Variants in DOCK9 observed in about 807,000 individuals in gnomAD.
DOCK9 encodes the protein dedicator of cytokinesis 9, also known as dedicator of cytokinesis protein 9.
Under a neutral mutation model 263.3 loss-of-function variants are expected in DOCK9, and 89 were observed. That is an observed-to-expected ratio of 0.34 (90% CI 0.28 to 0.40). The LOEUF (loss-of-function observed/expected upper bound fraction) is 0.40. Ranked by LOEUF, DOCK9 falls within the 10% of genes least tolerant of loss-of-function variation. DOCK9 has a pLI of 1.00. For synonymous variants in DOCK9, 976 were observed against 973.1 expected, an observed-to-expected ratio of 1.00 and a Z score of -0.06; for missense variants, 2,140 against 2,603.4, an observed-to-expected ratio of 0.82 and a Z score of 3.87.
At chr13:98,954,995 T>A (rs573049569) in intron 2 of DOCK9, among the ~76,000 whole-genome samples, 115 of 152,320 alleles carry the variant, frequency 7.5e-4, no homozygotes, top group African/African-American at 2.6e-3. Flanking sequence ...CTTTTCTTTC[T>A]TAAATAACAT....
chr13:99,015,885 G>A, intron 1 of DOCK9: 1 of 713,108 alleles, frequency 1.4e-6, no homozygotes, highest in Non-Finnish European at 1.8e-6. Flanking sequence ...CGTTTTTCTA[G>A]CTGATTGCTT....
At chr13:99,030,916 A>G (rs1301002895) in intron 1 of DOCK9, among the ~76,000 whole-genome samples, 1 of 152,222 alleles carries the variant, frequency 6.6e-6, no homozygotes, top group Admixed American at 6.5e-5. Flanking sequence ...CAGATTTTGA[A>G]TTCATTTGTT....
chr13:98,829,249 G>T lies in DOCK9; in HGVS notation c.4965+58C>A. On this transcript the variant is annotated intron_variant, in intron 43 of 52. Transcript: ENST00000682017. This position sits in a 1 kb window ranked among gnomAD's most constrained non-coding sequence, Gnocchi z 4.1. ...TTTTCTCAAAACTGGCTTTTTAAGTGAATGGGGCCTCACTGGTTTTTTCAA... is the reference window on the plus strand; with the variant it reads ...TTTTCTCAAAACTGGCTTTTTAAGTTAATGGGGCCTCACTGGTTTTTTCAA... 1 of 1,490,312 alleles carries T rather than the reference G, an allele frequency of 6.7e-7. No individual in the cohort carries two copies. The allele number at this position is 1,490,312 out of a possible 1,614,324, so 92.3% of individuals were successfully genotyped here. A position where few individuals can be genotyped will look rare whatever the true frequency, so the allele number is the denominator to read the frequency against.
At chr13:98,939,612 A>C (rs2055481845) in intron 2 of DOCK9, among the ~76,000 whole-genome samples, 1 of 152,232 alleles carries the variant, frequency 6.6e-6, no homozygotes, top group South Asian at 2.1e-4. Flanking sequence ...CAATATGCAG[A>C]GCTCAGGAGA....
intron 45 of DOCK9, among the ~76,000 whole-genome samples, chr13:98,822,053 C>T (rs1324771338): frequency 1.3e-5 from 2 of 152,180 alleles, no homozygotes; most frequent in African/African-American, 4.8e-5. Context: ...GTTAGTCTTT[C>T]TGCTTCCCGT....
intron 1 of DOCK9, among the ~76,000 whole-genome samples, chr13:98,994,739 G>A (rs780308123): frequency 6.6e-6 from 1 of 151,926 alleles, no homozygotes; most frequent in Non-Finnish European, 1.5e-5. Context: ...CTAGTAAAAT[G>A]TCTTTTTTGT....
chr13:98,948,853 C>T (rs1458655265), intron 2 of DOCK9, among the ~76,000 whole-genome samples: 1 of 152,176 alleles, frequency 6.6e-6, no homozygotes, highest in Non-Finnish European at 1.5e-5. Context: ...TCCTCAGGGT[C>T]CATCCATATT....
intron 1 of DOCK9, among the ~76,000 whole-genome samples, chr13:99,048,162 A>G (rs1471438226): frequency 6.6e-6 from 1 of 152,234 alleles, no homozygotes; most frequent in Non-Finnish European, 1.5e-5. Flanking sequence ...AAAAGTGTTC[A>G]TGTGCTGCTT....
chr13:98,855,091 C>T (rs2093672580), intron 34 of DOCK9, among the ~76,000 whole-genome samples: 1 of 152,180 alleles, frequency 6.6e-6, no homozygotes, highest in Non-Finnish European at 1.5e-5. Context: ...GGTCTGAGCA[C>T]TTAGTAGTTT....
chr13:99,028,310 C>T (rs1190023133), intron 1 of DOCK9, among the ~76,000 whole-genome samples: 2 of 152,066 alleles, frequency 1.3e-5, no homozygotes, highest in Non-Finnish European at 2.9e-5. Context: ...TCAGGAAGGA[C>T]CACGGCTTCC....
At chr13:99,010,507 T>C (rs181267896) in intron 1 of DOCK9, among the ~76,000 whole-genome samples, 1 of 152,174 alleles carries the variant, frequency 6.6e-6, no homozygotes, top group African/African-American at 2.4e-5. Context: ...TTTTGTACAC[T>C]CAGCACACAT....
chr13:99,061,899 TCTCA>T (rs780221692), intron 1 of DOCK9, among the ~76,000 whole-genome samples: 5 of 151,778 alleles, frequency 3.3e-5, no homozygotes, highest in Admixed American at 6.6e-5. Flanking sequence ...TGAGACACGG[TCTCA>T]CTCTGCTGCC....
At position 98,992,294 on chromosome 13, in the gene DOCK9, G is replaced by C. The variant is rs148520434; in HGVS notation, c.130-36743C>G. 8.5e-5 allele frequency among the ~76,000 whole-genome samples: 13 copies of C among 152,162 alleles called. No individual in the cohort carries two copies. The East Asian group carries it at 2.5e-3, about 29-fold the overall frequency. ...AGAGCTTGTTAAAACAGCCCACTGG[G>C]CCCTCTTCTGACCCTCTCAGAAGAC... On this transcript the variant is annotated intron_variant, in intron 1 of 32. Coordinates refer to the DOCK9 transcript ENST00000427887.
Position 99,013,908 on chromosome 13 carries a change from C to G in DOCK9, c.130-58357G>C, listed in dbSNP as rs796547680. Among the ~76,000 whole-genome samples, 4 of 152,208 alleles carry G rather than the reference C, an allele frequency of 2.6e-5. No homozygotes were observed. In the South Asian group the frequency reaches 6.2e-4, roughly 24 times the overall value. On this transcript the variant is annotated intron_variant, in intron 1 of 32. Transcript: ENST00000427887. Reference sequence around the variant, plus strand: ...AGGTCCCAGAGGGCAACGACACCAACAGAGAGACAAGCGTGGAGTGAGAGG... The same window carrying G: ...AGGTCCCAGAGGGCAACGACACCAAGAGAGAGACAAGCGTGGAGTGAGAGG...
chr13:99,042,411 G>A (rs978686630), intron 1 of DOCK9, among the ~76,000 whole-genome samples: 1 of 152,210 alleles, frequency 6.6e-6, no homozygotes, highest in Non-Finnish European at 1.5e-5. Flanking sequence ...GCTGCCTCCC[G>A]TCAGTCCTGC....
intron 11 of DOCK9, 108 bp from the exon 12 acceptor site, chr13:98,902,599 T>C: frequency 9.7e-7 from 1 of 1,027,678 alleles, no homozygotes; most frequent in East Asian, 2.6e-5. Context: ...TTGCCATAAA[T>C]TACTACTAAA....
At chr13:99,061,529 G>A (rs2041189567) in intron 1 of DOCK9, among the ~76,000 whole-genome samples, 1 of 152,116 alleles carries the variant, frequency 6.6e-6, no homozygotes, top group Non-Finnish European at 1.5e-5. Context: ...AAGCAAATCT[G>A]GAATGATCAG....
At position 98,924,266 on chromosome 13, in the gene DOCK9, T is replaced by C. The variant is rs150512899; in HGVS notation, c.417-895A>G. On this transcript the variant is annotated intron_variant, in intron 4 of 52. Coordinates refer to ENST00000682017, the MANE Select transcript of DOCK9 (RefSeq NM_001366683.2). ...GGTTTAAAAAGAGGCAATCGGGGAA[T>C]TGGCCGAACATTCTTAAGGAGTGGC... 2.0e-4 allele frequency among the ~76,000 whole-genome samples: 31 copies of C among 152,260 alleles called. No homozygotes were observed. In the South Asian group the frequency reaches 3.5e-3, roughly 17 times the overall value.
At chr13:98,932,300 G>A (rs2054079213) in intron 2 of DOCK9, among the ~76,000 whole-genome samples, 1 of 152,072 alleles carries the variant, frequency 6.6e-6, no homozygotes. Flanking sequence ...GAGGCTGATG[G>A]AGGAGAATCA....
Sources: gnomAD v4.1 joint callset for allele counts (sites outside exome capture counted in the v4.1 genomes callset) on GRCh38, gnomAD v4.1.1 for gene constraint, Gnocchi (gnomAD v3.1) non-coding constraint, MANE v1.5 for transcripts, NCBI Gene and HGNC (gene_info 2026-07-23, HGNC 2026-07-21) for gene names.